RRN3: variants seen among roughly 807,000 people sequenced by gnomAD.
The protein encoded by RRN3 is RNA polymerase I-specific transcription initiation factor RRN3.
In RRN3, 38 loss-of-function variants were observed where a neutral mutation model predicts 82.3. The ratio of observed to expected loss-of-function variants is 0.46; its 90% CI spans 0.36 to 0.61. The LOEUF (loss-of-function observed/expected upper bound fraction) is 0.61. RRN3 is among the 20% of genes least tolerant of loss of function. The probability of loss-of-function intolerance (pLI) is 0.00; values close to 1 mark genes in which losing one functional copy is unlikely to be tolerated. For synonymous variants in RRN3, 284 were observed against 284.3 expected, an observed-to-expected ratio of 1.00 and a Z score of 0.01; for missense variants, 726 against 793.1, an observed-to-expected ratio of 0.92 and a Z score of 1.02.
intron 8 of RRN3, among the ~76,000 whole-genome samples, chr16:15,082,037 A>T (rs182665833): frequency 6.6e-6 from 1 of 152,338 alleles, no homozygotes; most frequent in Admixed American, 6.5e-5. Context: ...TTAGAATGAC[A>T]TATAAAATCA....
chr16:15,060,288 T>A lies in RRN3; in HGVS notation c.*1456A>T. The stretch of plus-strand genomic sequence containing the variant: ...TTGCCAGCAGTTAAAAAGACAACCT[T>A]AAAGTTCTCAAATTACTTTCCACCA... On this transcript the variant is annotated 3_prime_UTR_variant, in exon 18 of 18. Transcript: ENST00000198767. 1 of 282,574 alleles carries A rather than the reference T, an allele frequency of 3.5e-6. No individual in the cohort carries two copies. The highest frequency in any genetic ancestry group is 3.0e-5 in the South Asian group (1 of 33,242). 17.5% of individuals were successfully genotyped at this position (282,574 alleles called of 1,614,324 possible).
intron 9 of RRN3, among the ~76,000 whole-genome samples, chr16:15,078,952 T>C (rs933314317): frequency 3.3e-5 from 5 of 151,788 alleles, no homozygotes; most frequent in African/African-American, 7.3e-5. Context: ...GCTGGGACTA[T>C]AGGTGCCCAC....
Position 15,073,031 on chromosome 16 carries a change from G to A in RRN3, c.1047C>T (p.Asn349=). The part of the protein sequence containing the change: ...KTKDLYRDLI[N]IFDKLLLPTH... ...TGGGCAACAGGAGTTTGTCAAAGATGTTTATCAGGTCGCGATATAGATCCT... is the reference window on the plus strand; with the variant it reads ...TGGGCAACAGGAGTTTGTCAAAGATATTTATCAGGTCGCGATATAGATCCT... Residue 349 remains asparagine (N), a synonymous_variant, in exon 12 of 18, where the codon AAC becomes AAT. Coordinates refer to ENST00000198767, the MANE Select transcript of RRN3 (RefSeq NM_018427.5). 4 of 1,613,076 alleles carry A rather than the reference G, an allele frequency of 2.5e-6. No individual in the cohort carries two copies. The highest frequency in any genetic ancestry group is 2.5e-6 in the Non-Finnish European group (3 of 1,179,712).
At chr16:15,075,123 G>A (rs2045396200) in intron 10 of RRN3, among the ~76,000 whole-genome samples, 2 of 151,656 alleles carry the variant, frequency 1.3e-5, no homozygotes, top group Admixed American at 6.6e-5. Flanking sequence ...GGTGGTGCAC[G>A]CCTGTAATTC....
rs2044674982 is a variant in RRN3, at chr16:15,060,578, T to G, written c.*1166A>C. 1 of 153,304 alleles carries G rather than the reference T, an allele frequency of 6.5e-6. No homozygotes were observed. 9.5% of individuals were successfully genotyped at this position (153,304 alleles called of 1,614,324 possible). A position where few individuals can be genotyped will look rare whatever the true frequency, so the allele number is the denominator to read the frequency against. On this transcript the variant is annotated 3_prime_UTR_variant, in exon 18 of 18. Transcript: ENST00000198767. ...TCACAAGTAAACAAAAAAGTACACA[T>G]GTAAGAAACAAAGTGAAAATGCTTG...
chr16:15,088,910 G>A (rs1209944094), intron 3 of RRN3, among the ~76,000 whole-genome samples: 1 of 151,924 alleles, frequency 6.6e-6, no homozygotes, highest in African/African-American at 2.4e-5. Flanking sequence ...GAGAGAACCA[G>A]GGAAAGCTCC....
Position 15,061,637 on chromosome 16 carries a change from C to A in RRN3, c.*107G>T, listed in dbSNP as rs918862941. The A allele has an allele frequency of 3.9e-6, 4 of 1,032,320 alleles. No homozygotes were observed. Among genetic ancestry groups the A allele is most frequent in the Non-Finnish European group, 5.6e-6 (4 of 711,822 alleles). The allele number at this position is 1,032,320 out of a possible 1,614,324, so 63.9% of individuals were successfully genotyped here. On this transcript the variant is annotated 3_prime_UTR_variant, in exon 18 of 18. Coordinates refer to ENST00000198767, the MANE Select transcript of RRN3 (RefSeq NM_018427.5). Reference sequence around the variant, plus strand: ...AAGTGCCACAGCCGAGGCAGGCACTCGCTCTAGTTCAATGCCATCAATGCC... The same window carrying A: ...AAGTGCCACAGCCGAGGCAGGCACTAGCTCTAGTTCAATGCCATCAATGCC...
At chr16:15,073,343 G>A (rs2045317780) in intron 11 of RRN3, among the ~76,000 whole-genome samples, 1 of 152,168 alleles carries the variant, frequency 6.6e-6, no homozygotes. Flanking sequence ...TGTGATCCCA[G>A]CTACATGGGA....
intron 7 of RRN3, among the ~76,000 whole-genome samples, chr16:15,084,003 A>T (rs2045811086): frequency 6.6e-6 from 1 of 152,228 alleles, no homozygotes. Flanking sequence ...GGCGTGAGCC[A>T]CCGCGCCCGG....
chr16:15,085,492 T>G (rs1286714091), intron 6 of RRN3, 147 bp downstream of exon 6: 22 of 941,066 alleles, frequency 2.3e-5, no homozygotes. Context: ...AAAAAAAATG[T>G]TTTTTTGCAG....
intron 15 of RRN3, among the ~76,000 whole-genome samples, chr16:15,067,492 T>C (rs1255480296): frequency 1.6e-5 from 2 of 124,846 alleles, no homozygotes; most frequent in Non-Finnish European, 3.6e-5. Context: ...GGAAAGGCTA[T>C]GGATTAGCCA....
intron 9 of RRN3, among the ~76,000 whole-genome samples, chr16:15,079,773 T>G (rs2045619072): frequency 6.6e-6 from 1 of 152,152 alleles, no homozygotes; most frequent in African/African-American, 2.4e-5. Flanking sequence ...TTTATTTGTA[T>G]TTTTATAGAG....
chr16:15,083,591 A>T lies in RRN3; in HGVS notation c.597-9T>A, dbSNP rs772540494. ...TGAGAAACCACGGTGTCCTATTTTT[A>T]AAAAATTAAATCAATCCATGTTAAC... is the stretch of plus-strand genomic sequence containing the variant. On this transcript the variant is annotated splice_polypyrimidine_tract_variant and intron_variant, in intron 7 of 17. Coordinates refer to ENST00000198767, the MANE Select transcript of RRN3 (RefSeq NM_018427.5). The T allele has an allele frequency of 5.1e-4, 813 of 1,595,450 alleles. 3 individuals are homozygous for T. The highest frequency in any genetic ancestry group is 6.6e-4 in the Non-Finnish European group (771 of 1,174,180).
chr16:15,065,080 G>A (rs2044904318), intron 16 of RRN3, 139 bp downstream of exon 16: 1 of 769,072 alleles, frequency 1.3e-6, no homozygotes, highest in African/African-American at 1.8e-5. Flanking sequence ...TCAGGAGAAT[G>A]GTGTGAACCC....
At chr16:15,094,112 C>T in intron 1 of RRN3, 33 bp downstream of exon 1, 1 of 1,557,762 alleles carries the variant, frequency 6.4e-7, no homozygotes, top group Non-Finnish European at 8.7e-7. Context: ...GCTTTCGTCC[C>T]AGATACGCAG....
At chr16:15,089,673 G>A (rs1237745513) in intron 3 of RRN3, among the ~76,000 whole-genome samples, 1 of 150,886 alleles carries the variant, frequency 6.6e-6, no homozygotes, top group Non-Finnish European at 1.5e-5. Flanking sequence ...GGTGGCGGGC[G>A]AGTGTAGTCT....
intron 15 of RRN3, among the ~76,000 whole-genome samples, chr16:15,066,273 C>T (rs569024178): frequency 1.3e-4 from 20 of 152,252 alleles, no homozygotes; most frequent in South Asian, 4.1e-4. Flanking sequence ...CGCAGCTGAC[C>T]GCACTTCCGG....
At chr16:15,073,667 A>T (rs1166498868) in intron 11 of RRN3, among the ~76,000 whole-genome samples, 1 of 152,166 alleles carries the variant, frequency 6.6e-6, no homozygotes, top group East Asian at 1.9e-4. Flanking sequence ...TAATCCGATC[A>T]TTTTACTGTT....
intron 8 of RRN3, among the ~76,000 whole-genome samples, chr16:15,080,576 G>A (rs2151801141): frequency 6.6e-6 from 1 of 152,192 alleles, no homozygotes; most frequent in East Asian, 1.9e-4. Flanking sequence ...TAGAACTACA[G>A]GTGCACACCA....
Sources: allele counts gnomAD v4.1 joint callset (sites outside exome capture counted in the v4.1 genomes callset), GRCh38; gene constraint gnomAD v4.1.1; transcripts MANE v1.5; gene names NCBI Gene and HGNC (gene_info 2026-07-23, HGNC 2026-07-21).